COMMD1: variants seen among roughly 807,000 people sequenced by gnomAD.
COMMD1 encodes copper metabolism domain containing 1, also known as COMM domain-containing protein 1.
Under a neutral mutation model 17.2 loss-of-function variants are expected in COMMD1, and 10 were observed. The observed-to-expected ratio is 0.58, with a 90% CI of 0.36 to 0.99. The LOEUF is 0.99. Ranked by LOEUF, COMMD1 falls within the 50% of genes least tolerant of loss-of-function variation. COMMD1 has a pLI of 0.01. For missense variants in COMMD1, 270 were observed against 231.8 expected, an observed-to-expected ratio of 1.17 and a Z score of -1.07; for synonymous variants, 97 against 91.6, an observed-to-expected ratio of 1.06 and a Z score of -0.34.
rs1282817142 is a variant in COMMD1 at position 62,051,740 on chromosome 2, T to C, written c.462+50758T>C. 2.6e-5 allele frequency among the ~76,000 whole-genome samples: 4 copies of C among 152,238 alleles called. No individual in the cohort carries two copies. The East Asian group carries it at 7.7e-4, about 29-fold the overall frequency. ...TTCCATTGGGACCTCCTGGAATTGATTGAAAGCAACACTGTAAATAGTCCA... is the reference window on the plus strand; with the variant it reads ...TTCCATTGGGACCTCCTGGAATTGACTGAAAGCAACACTGTAAATAGTCCA... On this transcript the variant is annotated intron_variant, in intron 2 of 2. Coordinates refer to ENST00000311832, the MANE Select transcript of COMMD1 (RefSeq NM_152516.4).
chr2:62,057,716 T>C (rs10469943), intron 2 of COMMD1, among the ~76,000 whole-genome samples: 3,524 of 151,930 alleles, frequency 0.023, 92 homozygotes, highest in East Asian at 0.087. Context: ...ATTACAGGCA[T>C]GCACCACCAT....
chr2:61,904,688 T>C (rs529187223), upstream of COMMD1, among the ~76,000 whole-genome samples: 1 of 152,244 alleles, frequency 6.6e-6, no homozygotes, highest in Non-Finnish European at 1.5e-5. Flanking sequence ...ATTAAATTGA[T>C]TTTTCAATTG....
At chr2:62,115,946 G>C (rs1265267531) in intron 2 of COMMD1, among the ~76,000 whole-genome samples, 2 of 143,186 alleles carry the variant, frequency 1.4e-5, no homozygotes, top group African/African-American at 5.2e-5. Context: ...TCTGCTTCCT[G>C]GGCTCAATTG....
chr2:61,895,714 C>T (rs1669536672), intron 1 of COMMD1, among the ~76,000 whole-genome samples: 1 of 152,134 alleles, frequency 6.6e-6, no homozygotes, highest in South Asian at 2.1e-4. Flanking sequence ...TGGTTCCAGC[C>T]CCTCTTAACT....
intron 2 of COMMD1, among the ~76,000 whole-genome samples, chr2:62,118,046 T>A (rs983404594): frequency 1.3e-5 from 2 of 152,226 alleles, no homozygotes; most frequent in African/African-American, 4.8e-5. Flanking sequence ...TATAGAATTG[T>A]GTGCGATTTT....
At chr2:61,960,371 C>T (rs919760102) in intron 1 of COMMD1, among the ~76,000 whole-genome samples, 5 of 152,010 alleles carry the variant, frequency 3.3e-5, no homozygotes, top group East Asian at 1.9e-4. Context: ...GTAGTACTGA[C>T]GAGTTTCTGC....
At chr2:61,940,984 G>A (rs1389810296) in intron 1 of COMMD1, among the ~76,000 whole-genome samples, 3 of 151,752 alleles carry the variant, frequency 2.0e-5, no homozygotes, top group Admixed American at 6.6e-5. Context: ...CACTGCGCCC[G>A]GCTGGGGTGA....
At chr2:61,965,819 G>C (rs903513954) in intron 1 of COMMD1, among the ~76,000 whole-genome samples, 9 of 152,150 alleles carry the variant, frequency 5.9e-5, no homozygotes, top group African/African-American at 2.2e-4. Flanking sequence ...TATTTTGTTA[G>C]TTCTTCGCTT....
chr2:61,969,358 A>G (rs1437238704), intron 1 of COMMD1, among the ~76,000 whole-genome samples: 1 of 152,156 alleles, frequency 6.6e-6, no homozygotes, highest in African/African-American at 2.4e-5. Context: ...ATCAGGATTA[A>G]AAAAACATTC....
chr2:61,956,332 G>A (rs1414367704), intron 1 of COMMD1, among the ~76,000 whole-genome samples: 1 of 152,086 alleles, frequency 6.6e-6, no homozygotes, highest in Non-Finnish European at 1.5e-5. Context: ...AGACAACTTG[G>A]TTATAATATC....
At chr2:62,094,355 C>T (rs1671938076) in intron 2 of COMMD1, among the ~76,000 whole-genome samples, 1 of 152,116 alleles carries the variant, frequency 6.6e-6, no homozygotes, top group African/African-American at 2.4e-5. Flanking sequence ...AGGACAAATT[C>T]TTTGATGTTT....
At chr2:61,933,746 C>G (rs13411920) in intron 1 of COMMD1, among the ~76,000 whole-genome samples, 37 of 151,246 alleles carry the variant, frequency 2.4e-4, no homozygotes, top group African/African-American at 8.6e-4. Context: ...ACAAAGACAA[C>G]AAGCAACTTT....
intron 2 of COMMD1, among the ~76,000 whole-genome samples, chr2:62,063,658 G>A (rs866761308): frequency 6.6e-6 from 1 of 151,772 alleles, no homozygotes; most frequent in Non-Finnish European, 1.5e-5. Context: ...TGACCTGCAT[G>A]TTTCTATAAT....
At chr2:62,040,578 T>G (rs1277615854) in intron 2 of COMMD1, among the ~76,000 whole-genome samples, 1 of 152,186 alleles carries the variant, frequency 6.6e-6, no homozygotes, top group Non-Finnish European at 1.5e-5. Flanking sequence ...GGAAGAAAAT[T>G]AAGGTTGGAG....
chr2:61,977,332 C>T (rs1391401483), intron 1 of COMMD1, among the ~76,000 whole-genome samples: 1 of 149,616 alleles, frequency 6.7e-6, no homozygotes, highest in Non-Finnish European at 1.5e-5. Flanking sequence ...GCAACCTCCG[C>T]CTCCTGGGTT....
In COMMD1 at chr2:62,098,417, T is replaced by C. The variant is rs13429365; in HGVS notation, c.463-37414T>C. Among the ~76,000 whole-genome samples, 404 of 152,200 alleles carry C rather than the reference T, an allele frequency of 2.7e-3. 3 individuals carry two copies. The highest frequency in any genetic ancestry group is 8.9e-3 in the African/African-American group (368 of 41,532). On this transcript the variant is annotated intron_variant, in intron 2 of 2. Transcript: ENST00000311832. Reference sequence around the variant, plus strand: ...TGAGCCACCGTGCCTGGCCTCCTTTTCTTTCTTAATGATTGTGACAGCTAG... The same window carrying C: ...TGAGCCACCGTGCCTGGCCTCCTTTCCTTTCTTAATGATTGTGACAGCTAG...
intron 1 of COMMD1, among the ~76,000 whole-genome samples, chr2:61,957,268 T>A (rs1671223959): frequency 6.6e-6 from 1 of 151,988 alleles, no homozygotes; most frequent in South Asian, 2.1e-4. Context: ...ATAGGAGATT[T>A]TGGGGGTGGT....
At chr2:62,109,058 T>C (rs903572862) in intron 2 of COMMD1, among the ~76,000 whole-genome samples, 1 of 152,172 alleles carries the variant, frequency 6.6e-6, no homozygotes, top group Non-Finnish European at 1.5e-5. Flanking sequence ...CCAGAGGCAA[T>C]TGAATTTAAG....
intron 1 of COMMD1, among the ~76,000 whole-genome samples, chr2:61,985,175 C>T (rs779254963): frequency 1.2e-4 from 18 of 151,958 alleles, no homozygotes; most frequent in Admixed American, 1.1e-3. Context: ...CTCAGCCTCC[C>T]GAGTAGCTGG....
Sources: allele counts gnomAD v4.1 joint callset (sites outside exome capture counted in the v4.1 genomes callset), GRCh38; gene constraint gnomAD v4.1.1; transcripts MANE v1.5; gene names NCBI Gene and HGNC (gene_info 2026-07-23, HGNC 2026-07-21).